The following B3GALT1 variants were observed in gnomAD, a reference collection of about 807,000 sequenced individuals.
The protein encoded by B3GALT1 is beta-1,3-galactosyltransferase 1, also known as UDP-Gal:betaGlcNAc beta 1,3-galactosyltransferase, polypeptide 1.
In B3GALT1, 10 loss-of-function variants were observed where a neutral mutation model predicts 23.2. The observed-to-expected ratio is 0.43, with a 90% CI of 0.27 to 0.73. B3GALT1 has a LOEUF of 0.73. Among genes scored for constraint, B3GALT1 ranks in the 30% least tolerant of loss-of-function variants. The pLI is 0.21. For synonymous variants in B3GALT1, 156 were observed against 141.5 expected, an observed-to-expected ratio of 1.10 and a Z score of -0.73; for missense variants, 299 against 405.4, an observed-to-expected ratio of 0.74 and a Z score of 2.25.
At chr2:167,480,426 T>A (rs2105335904) in intron 1 of B3GALT1, among the ~76,000 whole-genome samples, 1 of 152,290 alleles carries the variant, frequency 6.6e-6, no homozygotes, top group Admixed American at 6.5e-5. Flanking sequence ...TCTCCCACTG[T>A]CGTAACCTCT....
intron 3 of B3GALT1, among the ~76,000 whole-genome samples, chr2:167,696,821 A>G (rs1030177736): frequency 1.3e-5 from 2 of 152,172 alleles, no homozygotes; most frequent in African/African-American, 4.8e-5. Context: ...TCTTCTATCA[A>G]GAGATGAGTA....
At chr2:167,380,356 G>A (rs1697830819) in intron 1 of B3GALT1, among the ~76,000 whole-genome samples, 1 of 152,178 alleles carries the variant, frequency 6.6e-6, no homozygotes, top group Admixed American at 6.5e-5. Context: ...AGGTTGCCAA[G>A]CTGGCCCTCA....
intron 1 of B3GALT1, among the ~76,000 whole-genome samples, chr2:167,380,647 C>A (rs540756675): frequency 5.9e-5 from 9 of 152,222 alleles, no homozygotes; most frequent in Admixed American, 5.9e-4. Context: ...TCTGGGAAAA[C>A]GTCTGTAGTG....
At chr2:167,298,918 G>A (rs1375054163) in intron 1 of B3GALT1, among the ~76,000 whole-genome samples, 5 of 151,974 alleles carry the variant, frequency 3.3e-5, no homozygotes, top group African/African-American at 1.2e-4. Context: ...GGGATAACTT[G>A]CATGGATAAT....
At chr2:167,541,486 C>T (rs1435867190) in intron 2 of B3GALT1, among the ~76,000 whole-genome samples, 1 of 152,020 alleles carries the variant, frequency 6.6e-6, no homozygotes, top group African/African-American at 2.4e-5. Context: ...AAACTATGTA[C>T]ACATGATGAA....
rs933442219 is a variant in B3GALT1 at position 167,364,487 on chromosome 2, G to A, written c.-511+71153G>A. 7.9e-5 allele frequency among the ~76,000 whole-genome samples: 12 copies of A among 151,726 alleles called. No homozygotes were observed. In the East Asian group the frequency reaches 9.8e-4, roughly 12 times the overall value. The stretch of plus-strand genomic sequence containing the variant: ...ATATCTCCTAATGCTATCCTTCCCC[G>A]CTCCCCCCACCCCACAACAGGCCCT... On this transcript the variant is annotated intron_variant, in intron 1 of 4. Coordinates refer to ENST00000392690, the MANE Select transcript of B3GALT1 (RefSeq NM_020981.4).
At chr2:167,343,875 G>C (rs1157764410) in intron 1 of B3GALT1, among the ~76,000 whole-genome samples, 1 of 152,098 alleles carries the variant, frequency 6.6e-6, no homozygotes, top group East Asian at 1.9e-4. Context: ...CAAAAGATAG[G>C]AAAAGATCTG....
intron 2 of B3GALT1, among the ~76,000 whole-genome samples, chr2:167,534,944 C>A (rs1485041678): frequency 6.6e-6 from 1 of 152,076 alleles, no homozygotes; most frequent in Non-Finnish European, 1.5e-5. Flanking sequence ...ATTTTGTTAT[C>A]CTCATTTTAA....
intron 2 of B3GALT1, among the ~76,000 whole-genome samples, chr2:167,559,947 AC>A (rs1445788078): frequency 4.6e-5 from 7 of 152,178 alleles, no homozygotes; most frequent in African/African-American, 1.7e-4. Context: ...TTCAGGAAAT[AC>A]AGAGAATGCC....
chr2:167,686,327 C>G (rs1193749554), intron 3 of B3GALT1, among the ~76,000 whole-genome samples: 1 of 152,106 alleles, frequency 6.6e-6, no homozygotes, highest in African/African-American at 2.4e-5. Context: ...TAGTTCCCAC[C>G]TAGGCAAAAA....
chr2:167,858,962 T>C (rs952154797), intron 4 of B3GALT1, among the ~76,000 whole-genome samples: 1 of 152,308 alleles, frequency 6.6e-6, no homozygotes, highest in African/African-American at 2.4e-5. Flanking sequence ...AACAGCTTTC[T>C]GGTTTCTAAG....
chr2:167,475,552 A>G (rs1366367369), intron 1 of B3GALT1, among the ~76,000 whole-genome samples: 2 of 152,100 alleles, frequency 1.3e-5, no homozygotes, highest in African/African-American at 4.8e-5. Context: ...AATTTTTGCT[A>G]GTTTTGCTGT....
intron 1 of B3GALT1, among the ~76,000 whole-genome samples, chr2:167,388,300 G>A (rs983309997): frequency 6.6e-6 from 1 of 152,198 alleles, no homozygotes; most frequent in Non-Finnish European, 1.5e-5. Context: ...GAAGGTTTAT[G>A]TGTTATCTGA....
At chr2:167,310,526 A>G (rs1003136241) in intron 1 of B3GALT1, among the ~76,000 whole-genome samples, 1 of 152,086 alleles carries the variant, frequency 6.6e-6, no homozygotes, top group African/African-American at 2.4e-5. Context: ...TCTTCCAGGC[A>G]GGGTTTTTGG....
intron 2 of B3GALT1, among the ~76,000 whole-genome samples, chr2:167,543,322 A>G: frequency 6.6e-6 from 1 of 152,214 alleles, no homozygotes; most frequent in South Asian, 2.1e-4. Flanking sequence ...GATGCTTTCC[A>G]GCAGCTGAGA....
At chr2:167,387,618 A>T (rs1697948483) in intron 1 of B3GALT1, among the ~76,000 whole-genome samples, 1 of 152,252 alleles carries the variant, frequency 6.6e-6, no homozygotes, top group South Asian at 2.1e-4. Flanking sequence ...GGTCTGAATC[A>T]ATTCGTTACT....
At chr2:167,366,475 C>T (rs1409380498) in intron 1 of B3GALT1, among the ~76,000 whole-genome samples, 2 of 152,108 alleles carry the variant, frequency 1.3e-5, no homozygotes, top group African/African-American at 4.8e-5. Context: ...CACCAATAGC[C>T]AAGCAACCTG....
intron 1 of B3GALT1, among the ~76,000 whole-genome samples, chr2:167,402,313 G>A (rs1181744414): frequency 6.6e-6 from 1 of 152,010 alleles, no homozygotes; most frequent in East Asian, 1.9e-4. Flanking sequence ...AATAAAAAAA[G>A]TTTTAGTTTG....
chr2:167,833,862 A>G (rs1214086716), intron 4 of B3GALT1, among the ~76,000 whole-genome samples: 1 of 152,186 alleles, frequency 6.6e-6, no homozygotes, highest in Non-Finnish European at 1.5e-5. Context: ...CCTAAGATAC[A>G]TCTGTATCTA....
Sources: gnomAD v4.1 joint callset for allele counts (sites outside exome capture counted in the v4.1 genomes callset) on GRCh38, gnomAD v4.1.1 for gene constraint, MANE v1.5 for transcripts, NCBI Gene and HGNC (gene_info 2026-07-23, HGNC 2026-07-21) for gene names.